The following AP3B1 variants were observed in gnomAD, a reference collection of about 807,000 sequenced individuals.
The protein encoded by AP3B1 is AP-3 complex subunit beta-1.
AP3B1 carries 61 observed loss-of-function variants against 132.5 expected under a neutral mutation model. That is an observed-to-expected ratio of 0.46 (90% confidence interval 0.37 to 0.57). The LOEUF (loss-of-function observed/expected upper bound fraction) is 0.57, where lower values mean the gene tolerates loss of function less well. Among genes scored for constraint, AP3B1 ranks in the 20% least tolerant of loss-of-function variants. The pLI is 0.00. For synonymous variants in AP3B1, 388 were observed against 438.3 expected (o/e 0.89, Z 1.43); for missense variants, 1,120 against 1,289.4 (o/e 0.87, Z 2.01).
intron 8 of AP3B1, among the ~76,000 whole-genome samples, chr5:78,180,805 T>A (rs538074533): frequency 6.6e-6 from 1 of 152,102 alleles, no homozygotes; most frequent in East Asian, 1.9e-4. Flanking sequence ...AAGACATAAG[T>A]GATTTCTGAG....
At chr5:78,161,155 C>T (rs1451830252) in intron 13 of AP3B1, among the ~76,000 whole-genome samples, 3 of 151,826 alleles carry the variant, frequency 2.0e-5, no homozygotes, top group Admixed American at 6.5e-5. Context: ...CTAGTCTTCC[C>T]TTAAAAGTGA....
intron 25 of AP3B1, chr5:78,015,914 T>G (rs778980292): frequency 3.1e-5 from 7 of 224,296 alleles, no homozygotes; most frequent in Non-Finnish European, 5.3e-5. Context: ...TATATAAATG[T>G]ATTTGTTACT....
At chr5:78,252,763 C>A (rs940164728) in intron 2 of AP3B1, among the ~76,000 whole-genome samples, 1 of 152,196 alleles carries the variant, frequency 6.6e-6, no homozygotes, top group Non-Finnish European at 1.5e-5. Flanking sequence ...CCCAGGGCTC[C>A]TAGACAGAAC....
At chr5:78,175,343 C>G (rs905109419) in intron 11 of AP3B1, among the ~76,000 whole-genome samples, 4 of 152,168 alleles carry the variant, frequency 2.6e-5, no homozygotes, top group Non-Finnish European at 4.4e-5. Flanking sequence ...TCCTATTTGG[C>G]CATCTTGGAA....
intron 7 of AP3B1, among the ~76,000 whole-genome samples, chr5:78,183,824 G>A (rs1213661625): frequency 9.7e-5 from 14 of 144,376 alleles, no homozygotes; most frequent in East Asian, 2.0e-4. Flanking sequence ...CCAAGATCGC[G>A]CCATTGCCCT....
At chr5:78,160,598 T>A (rs1406683507) in intron 13 of AP3B1, among the ~76,000 whole-genome samples, 1 of 152,114 alleles carries the variant, frequency 6.6e-6, no homozygotes, top group Non-Finnish European at 1.5e-5. Flanking sequence ...AAAGATTCAT[T>A]ATTTGAACAG....
At chr5:78,222,011 G>T (rs1202938791) in intron 6 of AP3B1, among the ~76,000 whole-genome samples, 1 of 151,946 alleles carries the variant, frequency 6.6e-6, no homozygotes, top group Non-Finnish European at 1.5e-5. Context: ...CACTACTATT[G>T]AACACAACTG....
At chr5:78,137,649 G>A (rs1752975604) in intron 15 of AP3B1, among the ~76,000 whole-genome samples, 1 of 152,048 alleles carries the variant, frequency 6.6e-6, no homozygotes, top group African/African-American at 2.4e-5. Context: ...TTACTATTCT[G>A]TGTCTTCAGA....
intron 2 of AP3B1, among the ~76,000 whole-genome samples, chr5:78,243,333 G>A (rs994117954): frequency 1.3e-5 from 2 of 152,076 alleles, no homozygotes; most frequent in Non-Finnish European, 2.9e-5. Context: ...CAGACATCCT[G>A]TCCTATGGTA....
intron 3 of AP3B1, among the ~76,000 whole-genome samples, chr5:78,237,971 C>T (rs1746953550): frequency 6.6e-6 from 1 of 152,222 alleles, no homozygotes; most frequent in Admixed American, 6.5e-5. Flanking sequence ...TAGACTACTA[C>T]ACACCTAGGA....
intron 14 of AP3B1, among the ~76,000 whole-genome samples, chr5:78,144,361 C>T: frequency 6.6e-6 from 1 of 152,202 alleles, no homozygotes. Context: ...TAGCTCACCA[C>T]AGCAGCTATA....
chr5:78,134,149 C>CAAAAAAAAAA (rs397961933), intron 15 of AP3B1, among the ~76,000 whole-genome samples: 34 of 74,160 alleles, frequency 4.6e-4, no homozygotes, highest in African/African-American at 1.4e-3. Context: ...AGACTCGCCT[C>CAAAAAAAAAA]AAAAAAAAAA....
intron 6 of AP3B1, among the ~76,000 whole-genome samples, chr5:78,218,567 T>C (rs1368764727): frequency 6.6e-6 from 1 of 152,126 alleles, no homozygotes; most frequent in African/African-American, 2.4e-5. Context: ...ACCCCATCTA[T>C]GGAGTTCATA....
chr5:78,130,043 T>A (rs981698028), intron 15 of AP3B1, among the ~76,000 whole-genome samples: 1 of 152,128 alleles, frequency 6.6e-6, no homozygotes, highest in African/African-American at 2.4e-5. Context: ...TTTTACACCA[T>A]AATAAGACTT....
chr5:78,151,471 A>G (rs1324289395), intron 14 of AP3B1, among the ~76,000 whole-genome samples: 1 of 152,194 alleles, frequency 6.6e-6, no homozygotes, highest in Non-Finnish European at 1.5e-5. Flanking sequence ...TTCCCCATTC[A>G]GTATGATACT....
chr5:78,242,930 C>A (rs190362293), intron 2 of AP3B1, among the ~76,000 whole-genome samples: 14 of 152,140 alleles, frequency 9.2e-5, no homozygotes, highest in African/African-American at 3.4e-4. Context: ...AATTACATAC[C>A]ATATCTAATA....
chr5:78,211,992 A>G (rs1405616710), intron 7 of AP3B1, among the ~76,000 whole-genome samples: 2 of 152,252 alleles, frequency 1.3e-5, no homozygotes, highest in African/African-American at 4.8e-5. Flanking sequence ...TATGTAAGAA[A>G]GTACAGGCCA....
intron 2 of AP3B1, among the ~76,000 whole-genome samples, chr5:78,248,595 C>T (rs564655376): frequency 1.4e-4 from 21 of 151,958 alleles, no homozygotes; most frequent in African/African-American, 4.1e-4. Flanking sequence ...TGTTTAGCCA[C>T]CCATATTAAA....
At chr5:78,033,044 A>C (rs1747645404) in intron 24 of AP3B1, among the ~76,000 whole-genome samples, 1 of 152,130 alleles carries the variant, frequency 6.6e-6, no homozygotes, top group African/African-American at 2.4e-5. Context: ...ATAGGAATCA[A>C]AAGGTTCTTT....
Sources: allele counts gnomAD v4.1 joint callset (sites outside exome capture counted in the v4.1 genomes callset), GRCh38; gene constraint gnomAD v4.1.1; transcripts MANE v1.5; gene names NCBI Gene and HGNC (gene_info 2026-07-23, HGNC 2026-07-21).